The following IL1RAPL2 variants were observed in gnomAD, a reference collection of about 807,000 sequenced individuals.
IL1RAPL2 encodes the protein X-linked interleukin-1 receptor accessory protein-like 2.
IL1RAPL2 carries 3 observed loss-of-function variants against 44.1 expected under a neutral mutation model. The ratio of observed to expected loss-of-function variants is 0.07; its 90% CI spans 0.03 to 0.18. IL1RAPL2 has a LOEUF of 0.18. Among genes scored for constraint, IL1RAPL2 ranks in the 10% least tolerant of loss-of-function variants. The pLI is 1.00. For missense variants in IL1RAPL2, 391 were observed against 496.4 expected (o/e 0.79, Z 2.02); for synonymous variants, 181 against 178.8 (o/e 1.01, Z -0.10).
rs191166888 is a variant in IL1RAPL2 at position 105,631,223 on chromosome X, A to T, written c.773-86144A>T. Reference sequence around the variant, plus strand: ...TGTCTACGGTATCCTTTAAAATGACACATTATAAGTTAGGGAACGTTTTCA... The same window carrying T: ...TGTCTACGGTATCCTTTAAAATGACTCATTATAAGTTAGGGAACGTTTTCA... On this transcript the variant is annotated intron_variant, in intron 6 of 10. Transcript: ENST00000372582. Among the ~76,000 whole-genome samples the T allele has an allele frequency of 9.8e-5, 11 of 111,929 alleles. No homozygotes were observed. The East Asian group carries it at 2.3e-3, about 23-fold the overall frequency.
chrX:105,337,792 A>G (rs1282778238), intron 5 of IL1RAPL2, among the ~76,000 whole-genome samples: 17 of 110,477 alleles, frequency 1.5e-4, no homozygotes, highest in Non-Finnish European at 2.8e-4. Context: ...TCGGGAGGCT[A>G]AGGCAGGAGA....
At chrX:104,915,683 A>G in intron 2 of IL1RAPL2, among the ~76,000 whole-genome samples, 1 of 111,366 alleles carries the variant, frequency 9.0e-6, no homozygotes, top group Non-Finnish European at 1.9e-5. Context: ...GTTTTCTTCT[A>G]GGGTTTTTAT....
At chrX:104,748,952 T>C (rs181750315) in intron 2 of IL1RAPL2, among the ~76,000 whole-genome samples, 1 of 111,072 alleles carries the variant, frequency 9.0e-6, no homozygotes, top group East Asian at 2.9e-4. Flanking sequence ...TCAGTTCTTA[T>C]ATAGGGCCCT....
intron 1 of IL1RAPL2, among the ~76,000 whole-genome samples, chrX:104,622,195 T>G (rs1929413267): frequency 9.0e-6 from 1 of 110,592 alleles, no homozygotes; most frequent in Non-Finnish European, 1.9e-5. Context: ...ATATTCACAC[T>G]TTTCTAACTG....
chrX:105,514,373 T>C (rs948912339), intron 6 of IL1RAPL2, among the ~76,000 whole-genome samples: 31 of 112,172 alleles, frequency 2.8e-4, no homozygotes, highest in African/African-American at 1.0e-3. Context: ...CCCTGCTGAA[T>C]CTTCAGCAAG....
At chrX:105,398,292 TTGA>T (rs764255967) in intron 5 of IL1RAPL2, among the ~76,000 whole-genome samples, 3 of 110,967 alleles carry the variant, frequency 2.7e-5, no homozygotes, top group Non-Finnish European at 5.7e-5. Flanking sequence ...TTAGAGTTTT[TTGA>T]TGATGATTCC....
chrX:105,203,790 C>G (rs1163886095), intron 3 of IL1RAPL2, among the ~76,000 whole-genome samples: 1 of 111,788 alleles, frequency 8.9e-6, no homozygotes, highest in Non-Finnish European at 1.9e-5. Flanking sequence ...ACTCTCTTGG[C>G]TTTCCTCATA....
At chrX:104,984,644 G>A (rs2030526732) in intron 2 of IL1RAPL2, among the ~76,000 whole-genome samples, 1 of 112,003 alleles carries the variant, frequency 8.9e-6, no homozygotes, top group Non-Finnish European at 1.9e-5. Context: ...TGCTAATCAT[G>A]GGTTAGGGAT....
intron 2 of IL1RAPL2, among the ~76,000 whole-genome samples, chrX:104,677,539 G>A: frequency 8.9e-6 from 1 of 111,932 alleles, no homozygotes. Flanking sequence ...AGAGGTTACT[G>A]CTGTCTTTTT....
At chrX:104,946,358 C>A (rs1420781118) in intron 2 of IL1RAPL2, among the ~76,000 whole-genome samples, 27 of 48,527 alleles carry the variant, frequency 5.6e-4, no homozygotes, top group East Asian at 3.6e-3. Flanking sequence ...CTGGCCTGGG[C>A]GACAGAGCAA....
At chrX:104,965,026 A>G (rs2030092665) in intron 2 of IL1RAPL2, among the ~76,000 whole-genome samples, 1 of 111,647 alleles carries the variant, frequency 9.0e-6, no homozygotes, top group Non-Finnish European at 1.9e-5. Context: ...CAGGGAAAAC[A>G]GCCAGAGGCA....
intron 2 of IL1RAPL2, among the ~76,000 whole-genome samples, chrX:104,707,169 C>G (rs774832942): frequency 9.0e-6 from 1 of 111,195 alleles, no homozygotes; most frequent in South Asian, 3.8e-4. Flanking sequence ...CCGAATCTGT[C>G]AGATTTAACT....
intron 2 of IL1RAPL2, among the ~76,000 whole-genome samples, chrX:104,727,345 C>G (rs1029701632): frequency 9.0e-5 from 10 of 111,000 alleles, no homozygotes; most frequent in Non-Finnish European, 1.1e-4. Context: ...TAATCATCAT[C>G]ACTAATAATC....
intron 6 of IL1RAPL2, among the ~76,000 whole-genome samples, chrX:105,560,324 G>A (rs761714989): frequency 1.8e-5 from 2 of 112,077 alleles, no homozygotes; most frequent in South Asian, 7.5e-4. Flanking sequence ...GCCTACTTGT[G>A]GGCGACATCT....
chrX:105,237,496 T>C (rs1235269000), intron 4 of IL1RAPL2, among the ~76,000 whole-genome samples: 2 of 111,980 alleles, frequency 1.8e-5, no homozygotes, highest in Non-Finnish European at 3.8e-5. Flanking sequence ...CCACATTCTC[T>C]CCAGCACCTG....
chrX:105,023,614 T>A (rs1051598410), intron 2 of IL1RAPL2, among the ~76,000 whole-genome samples: 1 of 111,117 alleles, frequency 9.0e-6, no homozygotes, highest in Non-Finnish European at 1.9e-5. Flanking sequence ...AGGATGTTCT[T>A]CCAAGTGGTT....
chrX:105,111,456 A>G (rs2032801026), intron 2 of IL1RAPL2, among the ~76,000 whole-genome samples: 1 of 111,625 alleles, frequency 9.0e-6, no homozygotes, highest in African/African-American at 3.3e-5. Context: ...GACAAAAAGG[A>G]AAGAGTGGCT....
chrX:105,276,433 C>T (rs1317628748), intron 5 of IL1RAPL2, among the ~76,000 whole-genome samples: 1 of 111,835 alleles, frequency 8.9e-6, no homozygotes, highest in African/African-American at 3.3e-5. Context: ...AAAAATAATA[C>T]TCAAATGCTT....
chrX:105,740,818 A>G, intron 8 of IL1RAPL2, 127 bp downstream of exon 8: 2 of 600,213 alleles, frequency 3.3e-6, no homozygotes, highest in Non-Finnish European at 5.0e-6. Context: ...CTTTTCAAGG[A>G]AAGATATTTC....
Sources: allele counts gnomAD v4.1 joint callset (sites outside exome capture counted in the v4.1 genomes callset), GRCh38; gene constraint gnomAD v4.1.1; transcripts MANE v1.5; gene names NCBI Gene and HGNC (gene_info 2026-07-23, HGNC 2026-07-21).